NAV2: variants seen among roughly 807,000 people sequenced by gnomAD.
The protein encoded by NAV2 is helicase, APC down-regulated 1.
NAV2 carries 54 observed loss-of-function variants against 223.2 expected under a neutral mutation model. The observed-to-expected ratio is 0.24, with a 90% CI of 0.19 to 0.30. NAV2 has a LOEUF of 0.30. Ranked by LOEUF, NAV2 falls within the 10% of genes least tolerant of loss-of-function variation. The pLI, the probability that NAV2 is intolerant of heterozygous loss-of-function variation, is 1.00. For missense variants in NAV2, 2,806 were observed against 3,147.5 expected, an observed-to-expected ratio of 0.89 and a Z score of 2.60; for synonymous variants, 1,279 against 1,239.3, an observed-to-expected ratio of 1.03 and a Z score of -0.67.
At chr11:20,113,057 C>T (rs1038635800) in intron 36 of NAV2, among the ~76,000 whole-genome samples, 7 of 152,200 alleles carry the variant, frequency 4.6e-5, no homozygotes, top group Admixed American at 2.6e-4. Context: ...CTGCAGAGTC[C>T]TCTCTGCAGA....
At position 20,048,945 on chromosome 11, in the gene NAV2, G is replaced by A. The variant is rs1428419440; in HGVS notation, c.4120G>A (p.Ala1374Thr). The change falls in exon 15 of 38, where the codon GCC (alanine) becomes ACC (threonine). Residue 1374 changes from alanine (A) to threonine (T), a missense_variant. Around this residue, in one of 4 missense-constraint regions of NAV2, gnomAD observed 742 missense variants for 777.9 expected, o/e 0.95. Coordinates refer to ENST00000349880, the MANE Select transcript of NAV2 (RefSeq NM_145117.5). ...TCCGCTAGCCTCCAGCCCCAGCTCA[G>A]CCCACTCGGCCCCTTCCAACAGCCT... ...QSPLASSPSSAHSAPSNSLTW... is the reference protein window; with the variant it reads ...QSPLASSPSSTHSAPSNSLTW... The A allele has an allele frequency of 6.2e-7, 1 of 1,614,148 alleles. No individual in the cohort carries two copies. Among genetic ancestry groups the A allele is most frequent in the African/African-American group, 1.3e-5 (1 of 75,034 alleles).
intron 1 of NAV2, among the ~76,000 whole-genome samples, chr11:19,614,534 C>T (rs1227193503): frequency 1.3e-5 from 2 of 152,102 alleles, no homozygotes; most frequent in Non-Finnish European, 2.9e-5. Context: ...CTATCAATAT[C>T]GCACCAGTGT....
chr11:19,809,845 G>C lies in NAV2; in HGVS notation c.268-22639G>C, dbSNP rs1273926699. Among the ~76,000 whole-genome samples the C allele has an allele frequency of 9.8e-5, 15 of 152,314 alleles. No homozygotes were observed. The South Asian group carries it at 2.3e-3, about 23-fold the overall frequency. ...TTCCCCTAATTAGACTGAAGTTGTA[G>C]GTTTTGGAGAGGAAGAACACAGAGG... is the stretch of plus-strand genomic sequence containing the variant. On this transcript the variant is annotated intron_variant, in intron 1 of 37. Coordinates refer to ENST00000349880, the MANE Select transcript of NAV2 (RefSeq NM_145117.5).
At chr11:20,103,505 G>A (rs2061791594) in intron 33 of NAV2, 96 bp downstream of exon 33, 2 of 1,514,378 alleles carry the variant, frequency 1.3e-6, no homozygotes, top group East Asian at 4.5e-5. Flanking sequence ...CGTTGTGGGA[G>A]TGAAGCTGTG....
chr11:19,600,237 C>A (rs1010278964), intron 1 of NAV2, among the ~76,000 whole-genome samples: 4 of 152,146 alleles, frequency 2.6e-5, no homozygotes, highest in African/African-American at 9.7e-5. Context: ...GTGTGGTTTT[C>A]TCCTGGGATA....
intron 1 of NAV2, among the ~76,000 whole-genome samples, chr11:19,621,496 A>C (rs11512076): frequency 0.054 from 8,229 of 152,220 alleles, 430 homozygotes; most frequent in African/African-American, 0.13. Flanking sequence ...GAGTGTATGT[A>C]TCGAGGAATT....
At chr11:20,051,789 C>A (rs1000138248) in intron 17 of NAV2, among the ~76,000 whole-genome samples, 4 of 152,014 alleles carry the variant, frequency 2.6e-5, no homozygotes, top group South Asian at 2.1e-4. Context: ...CTTTTCTGCC[C>A]ATAAAAAATT....
chr11:20,077,512 T>C, intron 22 of NAV2, 40 bp from the exon 23 acceptor site: 3 of 1,513,496 alleles, frequency 2.0e-6, no homozygotes, highest in Non-Finnish European at 2.8e-6. Context: ...CACTCTTGCC[T>C]TGCAAGGTAA....
chr11:19,460,583 G>C (rs1298594333), intron 1 of NAV2, among the ~76,000 whole-genome samples: 1 of 149,054 alleles, frequency 6.7e-6, no homozygotes, highest in Non-Finnish European at 1.5e-5. Context: ...CTCACTCATA[G>C]GTGGGAATTG....
At chr11:19,503,450 T>C (rs573874878) in intron 1 of NAV2, 1 of 152,358 alleles carries the variant, frequency 6.6e-6, no homozygotes, top group African/African-American at 2.4e-5. Context: ...TGTGCTCTGC[T>C]TATTCATCTC....
chr11:19,980,776 G>A (rs2050223265), intron 10 of NAV2, among the ~76,000 whole-genome samples: 1 of 152,074 alleles, frequency 6.6e-6, no homozygotes. Context: ...TATAATACAG[G>A]AGTTATTTAA....
At chr11:19,941,129 G>A (rs2046364235) in intron 8 of NAV2, among the ~76,000 whole-genome samples, 1 of 152,160 alleles carries the variant, frequency 6.6e-6, no homozygotes, top group African/African-American at 2.4e-5. Context: ...AGCAAAAGCA[G>A]GAGCCGGAGA....
At chr11:20,040,281 G>A (rs558927022) in intron 12 of NAV2, among the ~76,000 whole-genome samples, 2 of 152,270 alleles carry the variant, frequency 1.3e-5, no homozygotes, top group East Asian at 3.9e-4. Flanking sequence ...CATAATGCAA[G>A]ACAAAGGCAG....
Position 20,023,085 on chromosome 11 carries a change from C to T in NAV2, c.2769-12874C>T, listed in dbSNP as rs200955221. 1.0e-4 allele frequency: 160 copies of T among 1,551,774 alleles called. 1 individual carries two copies. In the Admixed American group the frequency reaches 1.9e-3, roughly 19 times the overall value. On this transcript the variant is annotated intron_variant, in intron 11 of 37. Transcript: ENST00000349880. ...ATTCAGCTTCTTTGTCCGCTGTTCTCCAAGGGCCGCAATGTAGTGAAATGC... is the reference window on the plus strand; with the variant it reads ...ATTCAGCTTCTTTGTCCGCTGTTCTTCAAGGGCCGCAATGTAGTGAAATGC...
At chr11:19,897,894 A>ATG (rs2153174542) in intron 6 of NAV2, among the ~76,000 whole-genome samples, 1 of 146,928 alleles carries the variant, frequency 6.8e-6, no homozygotes, top group Admixed American at 6.8e-5. Flanking sequence ...ATTTATATAT[A>ATG]TATATATATA....
In NAV2 at chr11:19,398,309, C is replaced by A. The variant is rs150330044; in HGVS notation, c.75+47282C>A. On this transcript the variant is annotated intron_variant, in intron 1 of 37. Transcript: ENST00000360655. Reference sequence around the variant, plus strand: ...ATGTTGGAGAACGTACTCACTATTGCTAGGAGAGCAATGAGAGGATGGTGC... The same window carrying A: ...ATGTTGGAGAACGTACTCACTATTGATAGGAGAGCAATGAGAGGATGGTGC... Among the ~76,000 whole-genome samples, 56 of 152,206 alleles carry A rather than the reference C, an allele frequency of 3.7e-4. 2 individuals are homozygous for A. In the East Asian group the frequency reaches 7.5e-3, roughly 20 times the overall value.
chr11:20,042,595 A>T (rs2057027732), intron 12 of NAV2, among the ~76,000 whole-genome samples: 1 of 152,148 alleles, frequency 6.6e-6, no homozygotes, highest in Non-Finnish European at 1.5e-5. Context: ...TGGGGAGGCG[A>T]TTGAACTTGG....
intron 1 of NAV2, among the ~76,000 whole-genome samples, chr11:19,377,860 G>A (rs1396894394): frequency 6.6e-6 from 1 of 152,112 alleles, no homozygotes; most frequent in African/African-American, 2.4e-5. Flanking sequence ...CAAAACAGAG[G>A]GGCCTTTTTG....
chr11:19,475,100 C>T (rs2042076703), intron 1 of NAV2, among the ~76,000 whole-genome samples: 1 of 152,240 alleles, frequency 6.6e-6, no homozygotes. Context: ...GGTCTCTCCA[C>T]TCCCTGGTCA....
Sources: gnomAD v4.1 joint callset for allele counts (sites outside exome capture counted in the v4.1 genomes callset) on GRCh38, gnomAD v4.1.1 for gene constraint, gnomAD v4.1.1 regional missense constraint, MANE v1.5 for transcripts, NCBI Gene and HGNC (gene_info 2026-07-23, HGNC 2026-07-21) for gene names.